The following VRK1 variants were observed in gnomAD, a reference collection of about 807,000 sequenced individuals.
VRK1 encodes the protein serine/threonine-protein kinase VRK1.
A neutral mutation model predicts 57.1 loss-of-function variants in VRK1; 33 were observed. The observed-to-expected ratio is 0.58, with a 90% CI of 0.44 to 0.77. The LOEUF (loss-of-function observed/expected upper bound fraction) is 0.77, where lower values mean the gene tolerates loss of function less well. Ranked by LOEUF, VRK1 falls within the 30% of genes least tolerant of loss-of-function variation. The pLI is 0.00. For synonymous variants in VRK1, 137 were observed against 147.8 expected, an observed-to-expected ratio of 0.93 and a Z score of 0.53; for missense variants, 413 against 477.3, an observed-to-expected ratio of 0.87 and a Z score of 1.25.
At chr14:96,805,855 T>C (rs1485739282) in intron 1 of VRK1, among the ~76,000 whole-genome samples, 1 of 152,216 alleles carries the variant, frequency 6.6e-6, no homozygotes, top group Non-Finnish European at 1.5e-5. Flanking sequence ...CCTGTTCTGT[T>C]TGATTTAACT....
At chr14:96,821,315 C>T (rs77361002) in intron 1 of VRK1, among the ~76,000 whole-genome samples, 1,587 of 149,552 alleles carry the variant, frequency 0.011, 21 homozygotes, top group African/African-American at 0.033. Flanking sequence ...AAAGAGAGAG[C>T]TTAGAAAGTC....
intron 1 of VRK1, among the ~76,000 whole-genome samples, chr14:96,814,768 T>C (rs1474920665): frequency 6.6e-6 from 1 of 152,200 alleles, no homozygotes; most frequent in Non-Finnish European, 1.5e-5. Flanking sequence ...TCTTTCCTTG[T>C]ATTTTTCACT....
intron 1 of VRK1, among the ~76,000 whole-genome samples, chr14:96,809,080 C>T (rs1451346203): frequency 6.7e-6 from 1 of 149,448 alleles, no homozygotes; most frequent in Non-Finnish European, 1.5e-5. Flanking sequence ...AGTACCTTGA[C>T]TAGAACGTCT....
At chr14:96,813,800 A>G (rs1411111347) in intron 1 of VRK1, among the ~76,000 whole-genome samples, 2 of 152,172 alleles carry the variant, frequency 1.3e-5, no homozygotes, top group Non-Finnish European at 2.9e-5. Flanking sequence ...TTTATTCTGC[A>G]GTATGTGCTC....
intron 11 of VRK1, among the ~76,000 whole-genome samples, chr14:96,871,895 A>G (rs1888837996): frequency 6.6e-6 from 1 of 152,002 alleles, no homozygotes; most frequent in Non-Finnish European, 1.5e-5. Flanking sequence ...ATCTTGGCTC[A>G]CTGCAACCTC....
intron 11 of VRK1, among the ~76,000 whole-genome samples, chr14:96,865,092 G>A (rs949775815): frequency 2.6e-5 from 4 of 152,062 alleles, no homozygotes; most frequent in African/African-American, 9.7e-5. Flanking sequence ...ATGAAGCTCA[G>A]TTTATCAGTC....
intron 1 of VRK1, among the ~76,000 whole-genome samples, chr14:96,831,731 G>C (rs932121709): frequency 6.6e-6 from 1 of 152,122 alleles, no homozygotes; most frequent in Non-Finnish European, 1.5e-5. Flanking sequence ...TAAAAAACAT[G>C]TTGTCCACTC....
intron 1 of VRK1, among the ~76,000 whole-genome samples, chr14:96,827,489 C>T (rs1886844999): frequency 6.6e-6 from 1 of 152,088 alleles, no homozygotes; most frequent in Admixed American, 6.5e-5. Context: ...CAGCTTCTTG[C>T]TCCCACCAGT....
At chr14:96,833,780 C>T (rs946362532) in intron 2 of VRK1, 149 bp downstream of exon 2, 59 of 1,138,706 alleles carry the variant, frequency 5.2e-5, no homozygotes, top group Middle Eastern at 2.2e-4. Flanking sequence ...GCATCTCTGA[C>T]GTAGGAGTGG....
chr14:96,820,074 T>G (rs1271983530), intron 1 of VRK1, among the ~76,000 whole-genome samples: 1 of 152,178 alleles, frequency 6.6e-6, no homozygotes, highest in Non-Finnish European at 1.5e-5. Context: ...GGTGCAAGTT[T>G]GGCTTTGGAA....
At chr14:96,863,891 G>A (rs1446556526) in intron 11 of VRK1, among the ~76,000 whole-genome samples, 5 of 152,070 alleles carry the variant, frequency 3.3e-5, no homozygotes, top group Non-Finnish European at 5.9e-5. Context: ...CAGCTGCTCC[G>A]GTGGACAGCT....
chr14:96,846,071 A>C (rs780563606), intron 3 of VRK1, 24 bp from the exon 4 acceptor site: 1 of 1,588,968 alleles, frequency 6.3e-7, no homozygotes, highest in Admixed American at 1.7e-5. Context: ...TACTGCTAGT[A>C]CTAATTAACT....
At chr14:96,832,851 G>A (rs1475120405) in intron 1 of VRK1, among the ~76,000 whole-genome samples, 1 of 152,118 alleles carries the variant, frequency 6.6e-6, no homozygotes, top group Non-Finnish European at 1.5e-5. Context: ...TGTTGGTGAG[G>A]TCTTGGAGCC....
chr14:96,842,863 A>G (rs1044235790), intron 3 of VRK1, among the ~76,000 whole-genome samples: 6 of 152,210 alleles, frequency 3.9e-5, no homozygotes, highest in African/African-American at 1.4e-4. Context: ...GCACATTTTT[A>G]TCCTTGATTT....
intron 1 of VRK1, among the ~76,000 whole-genome samples, chr14:96,805,702 T>G (rs1885845264): frequency 6.6e-6 from 1 of 152,124 alleles, no homozygotes; most frequent in Admixed American, 6.5e-5. Context: ...CATGGAAAAA[T>G]GTATCATTCC....
Position 96,826,513 on chromosome 14 carries a change from T to C in VRK1, c.-5-6954T>C, listed in dbSNP as rs545396162. Among the ~76,000 whole-genome samples the C allele has an allele frequency of 2.0e-5, 3 of 152,352 alleles. No homozygotes were observed. In the South Asian group the frequency reaches 6.2e-4, roughly 32 times the overall value. On this transcript the variant is annotated intron_variant, in intron 1 of 12. Transcript: ENST00000216639. ...GAAAAGAAGTGGTCAGATTATGTAA[T>C]GCTAAACTTTTTTTTCTTTGAAACC...
chr14:96,797,636 G>T (rs1885486617), intron 1 of VRK1, among the ~76,000 whole-genome samples, 189 bp downstream of exon 1: 1 of 152,070 alleles, frequency 6.6e-6, no homozygotes, highest in South Asian at 2.1e-4. Context: ...CCGCCTGCGC[G>T]GGCGTCCGCT....
intron 3 of VRK1, among the ~76,000 whole-genome samples, chr14:96,839,679 C>G (rs1053781071): frequency 3.9e-5 from 6 of 152,258 alleles, no homozygotes; most frequent in African/African-American, 1.4e-4. Flanking sequence ...CTTTTTGCCC[C>G]TTTCCTCTTA....
chr14:96,807,710 C>A (rs1467393866), intron 1 of VRK1, among the ~76,000 whole-genome samples: 1 of 152,148 alleles, frequency 6.6e-6, no homozygotes, highest in East Asian at 1.9e-4. Context: ...TATGTCTTTT[C>A]ATCCTGTTTG....
Sources: gnomAD v4.1 joint callset for allele counts (sites outside exome capture counted in the v4.1 genomes callset) on GRCh38, gnomAD v4.1.1 for gene constraint, MANE v1.5 for transcripts, NCBI Gene and HGNC (gene_info 2026-07-23, HGNC 2026-07-21) for gene names.